PLCL2: variants seen among roughly 807,000 people sequenced by gnomAD.
The protein encoded by PLCL2 is phospholipase C like 2.
PLCL2 carries 4 observed loss-of-function variants against 79.6 expected under a neutral mutation model. The ratio of observed to expected loss-of-function variants is 0.05; its 90% CI spans 0.02 to 0.11. The LOEUF (loss-of-function observed/expected upper bound fraction) is 0.11. PLCL2 is among the 10% of genes least tolerant of loss of function. PLCL2 has a pLI of 1.00. For synonymous variants in PLCL2, 484 were observed against 457.7 expected, an observed-to-expected ratio of 1.06 and a Z score of -0.73; for missense variants, 895 against 1,291.0, an observed-to-expected ratio of 0.69 and a Z score of 4.70.
At chr3:17,050,557 T>C (rs1575604885) in intron 4 of PLCL2, among the ~76,000 whole-genome samples, 1 of 152,200 alleles carries the variant, frequency 6.6e-6, no homozygotes, top group East Asian at 1.9e-4. Context: ...CTCAATATCA[T>C]TGATCCTCAG....
intron 1 of PLCL2, among the ~76,000 whole-genome samples, chr3:16,976,874 T>C (rs144478044): frequency 6.6e-6 from 1 of 152,324 alleles, no homozygotes; most frequent in East Asian, 1.9e-4. Context: ...ACTCCCTTCT[T>C]AAAGGCTGCT....
chr3:16,886,792 A>C lies in PLCL2; in HGVS notation c.327+1426A>C, dbSNP rs1696234727. 1.3e-5 allele frequency among the ~76,000 whole-genome samples: 2 copies of C among 152,208 alleles called. No homozygotes were observed. The highest frequency in any genetic ancestry group is 2.9e-5 in the Non-Finnish European group (2 of 68,034). On this transcript the variant is annotated intron_variant, in intron 1 of 5. Coordinates refer to ENST00000615277, the MANE Select transcript of PLCL2 (RefSeq NM_001144382.2). The surrounding 1 kb of genome is among the most constrained non-coding windows in gnomAD (Gnocchi z 4.2). ...TTGCTTTCAACTGTGCATGATAATC[A>C]ATCCTATTGACAGAGTTAGGTGACA...
At chr3:16,971,800 T>C (rs2063871384) in intron 1 of PLCL2, among the ~76,000 whole-genome samples, 1 of 152,200 alleles carries the variant, frequency 6.6e-6, no homozygotes, top group Admixed American at 6.5e-5. Flanking sequence ...TATTTTATTC[T>C]CTTTGAAGCA....
chr3:16,952,352 A>C (rs1487191208), intron 1 of PLCL2, among the ~76,000 whole-genome samples: 1 of 138,264 alleles, frequency 7.2e-6, no homozygotes, highest in Non-Finnish European at 1.5e-5. Context: ...GTATCCCAGA[A>C]CTTAAAGCAA....
At chr3:17,052,346 A>T (rs1023220966) in intron 4 of PLCL2, among the ~76,000 whole-genome samples, 1 of 151,900 alleles carries the variant, frequency 6.6e-6, no homozygotes, top group African/African-American at 2.4e-5. Context: ...AGATAACTTG[A>T]CGGAGATGAG....
chr3:16,990,648 C>T (rs1002894038), intron 1 of PLCL2, among the ~76,000 whole-genome samples: 3 of 152,130 alleles, frequency 2.0e-5, no homozygotes, highest in Non-Finnish European at 4.4e-5. Flanking sequence ...GCCTCTACAG[C>T]GCTTTCATAT....
At chr3:16,975,831 A>T (rs2063920068) in intron 1 of PLCL2, among the ~76,000 whole-genome samples, 1 of 152,174 alleles carries the variant, frequency 6.6e-6, no homozygotes. Context: ...TGCCTGAGAC[A>T]ACAGGACTCT....
intron 3 of PLCL2, among the ~76,000 whole-genome samples, chr3:17,017,531 G>C (rs1035490520): frequency 2.6e-5 from 4 of 152,080 alleles, no homozygotes; most frequent in Non-Finnish European, 4.4e-5. Context: ...TAAAGGTCTC[G>C]GACAGCCCGT....
At chr3:16,927,111 C>G (rs986436865) in intron 1 of PLCL2, among the ~76,000 whole-genome samples, 2 of 152,072 alleles carry the variant, frequency 1.3e-5, no homozygotes, top group African/African-American at 4.8e-5. Context: ...TTTTTTATAG[C>G]TAAAGTGAAA....
At chr3:17,031,499 G>A (rs775251572) in intron 3 of PLCL2, among the ~76,000 whole-genome samples, 4 of 152,148 alleles carry the variant, frequency 2.6e-5, no homozygotes, top group Admixed American at 6.6e-5. Context: ...TAAGGATGTC[G>A]TGTAAACATA....
chr3:17,071,186 A>C (rs1014533450), intron 5 of PLCL2, among the ~76,000 whole-genome samples: 1 of 152,226 alleles, frequency 6.6e-6, no homozygotes, highest in Admixed American at 6.5e-5. Flanking sequence ...CAAGACATTC[A>C]GTGCTAAAAC....
chr3:17,059,856 G>A (rs866643826), intron 4 of PLCL2, among the ~76,000 whole-genome samples: 6 of 152,234 alleles, frequency 3.9e-5, no homozygotes, highest in South Asian at 2.1e-4. Flanking sequence ...AATTAAAATC[G>A]GAAGAGGTGT....
intron 5 of PLCL2, among the ~76,000 whole-genome samples, chr3:17,072,716 A>G (rs940407533): frequency 1.3e-5 from 2 of 151,528 alleles, no homozygotes; most frequent in Non-Finnish European, 2.9e-5. Context: ...TAATATTACT[A>G]GATAGATCAT....
intron 5 of PLCL2, among the ~76,000 whole-genome samples, chr3:17,083,461 A>G (rs1365845506): frequency 1.3e-5 from 2 of 152,164 alleles, no homozygotes; most frequent in African/African-American, 4.8e-5. Flanking sequence ...AGGAAGTCAG[A>G]TGAGGCTGTG....
chr3:16,974,898 T>A (rs1195947311), intron 1 of PLCL2, among the ~76,000 whole-genome samples: 1 of 149,974 alleles, frequency 6.7e-6, no homozygotes, highest in East Asian at 1.9e-4. Context: ...TGAGTGTATG[T>A]AGAGGGGAAG....
intron 4 of PLCL2, among the ~76,000 whole-genome samples, chr3:17,053,568 C>T (rs550456045): frequency 8.5e-5 from 13 of 152,274 alleles, no homozygotes; most frequent in African/African-American, 2.4e-4. Flanking sequence ...CCCAATAATC[C>T]CCCAAAGTCT....
At chr3:16,938,683 T>C (rs115202700) in intron 1 of PLCL2, among the ~76,000 whole-genome samples, 1 of 152,228 alleles carries the variant, frequency 6.6e-6, no homozygotes, top group South Asian at 2.1e-4. Context: ...CAGGATGTCA[T>C]AGCTGGAAGC....
chr3:16,915,069 G>C (rs1331746134), intron 1 of PLCL2, among the ~76,000 whole-genome samples: 2 of 152,206 alleles, frequency 1.3e-5, no homozygotes, highest in Non-Finnish European at 2.9e-5. Context: ...ATACTTTTGA[G>C]TTTAAGGAAA....
chr3:16,963,025 T>A (rs1316687278), intron 1 of PLCL2, among the ~76,000 whole-genome samples: 2 of 152,250 alleles, frequency 1.3e-5, no homozygotes, highest in East Asian at 3.9e-4. Flanking sequence ...ATTGGGTAGA[T>A]GTAGCTAAGA....
Sources: allele counts gnomAD v4.1 joint callset (sites outside exome capture counted in the v4.1 genomes callset), GRCh38; gene constraint gnomAD v4.1.1; non-coding constraint Gnocchi (gnomAD v3.1); transcripts MANE v1.5; gene names NCBI Gene and HGNC (gene_info 2026-07-23, HGNC 2026-07-21).